The following SPNS2 variants were observed in gnomAD, a reference collection of about 807,000 sequenced individuals.
SPNS2 encodes the protein SPNS lysolipid transporter 2, sphingosine-1-phosphate.
In SPNS2, 37 loss-of-function variants were observed where a neutral mutation model predicts 57.6. The observed-to-expected ratio is 0.64, with a 90% CI of 0.49 to 0.85. SPNS2 has a LOEUF of 0.85. SPNS2 is among the 40% of genes least tolerant of loss of function. The pLI is 0.00. For missense variants in SPNS2, 831 were observed against 779.1 expected (o/e 1.07, Z -0.79); for synonymous variants, 440 against 346.9 (o/e 1.27, Z -2.98).
At chr17:4,520,381 G>GTGC (rs1905108651) in intron 2 of SPNS2, among the ~76,000 whole-genome samples, 1 of 152,188 alleles carries the variant, frequency 6.6e-6, no homozygotes, top group Non-Finnish European at 1.5e-5. Context: ...CAAGAGGAGA[G>GTGC]AATGGAGCAT....
intron 2 of SPNS2, among the ~76,000 whole-genome samples, chr17:4,520,224 G>A (rs1427823253): frequency 6.6e-6 from 1 of 152,200 alleles, no homozygotes; most frequent in African/African-American, 2.4e-5. Flanking sequence ...ATCAGGCTGG[G>A]GCCGGTGGGT....
intron 1 of SPNS2, among the ~76,000 whole-genome samples, chr17:4,505,687 C>T (rs1187302275): frequency 2.6e-5 from 4 of 152,196 alleles, no homozygotes; most frequent in African/African-American, 4.8e-5. Flanking sequence ...GCCTGGTCCT[C>T]GCCTGGTGGC....
chr17:4,515,108 G>A (rs569382202), intron 2 of SPNS2, among the ~76,000 whole-genome samples: 18 of 152,250 alleles, frequency 1.2e-4, no homozygotes, highest in South Asian at 4.1e-4. Context: ...TTGGGGGCTC[G>A]GCTCAAGGCA....
chr17:4,502,666 G>A (rs1051832478), intron 1 of SPNS2, among the ~76,000 whole-genome samples: 4 of 152,150 alleles, frequency 2.6e-5, no homozygotes, highest in Non-Finnish European at 5.9e-5. Context: ...CCCGGGTTGC[G>A]TGGGATAAAT....
At chr17:4,500,973 G>A (rs914503080) in intron 1 of SPNS2, among the ~76,000 whole-genome samples, 3 of 152,180 alleles carry the variant, frequency 2.0e-5, no homozygotes, top group Non-Finnish European at 4.4e-5. Flanking sequence ...CCGCTGTCAC[G>A]CATGCACCAT....
intron 2 of SPNS2, 138 bp from the exon 3 acceptor site, chr17:4,524,919 C>T (rs1270695869): frequency 1.2e-5 from 15 of 1,246,342 alleles, no homozygotes; most frequent in South Asian, 4.6e-5. Context: ...GGGTGCAGGT[C>T]GGGCCGAGGT....
At chr17:4,520,403 T>TC (rs1847058815) in intron 2 of SPNS2, among the ~76,000 whole-genome samples, 1 of 152,010 alleles carries the variant, frequency 6.6e-6, no homozygotes, top group Non-Finnish European at 1.5e-5. Context: ...ATGGCCGGGG[T>TC]CTGGCGAAGG....
Position 4,512,675 on chromosome 17 carries a change from C to CGG in SPNS2, c.371-571_371-570insGG, listed in dbSNP as rs1411073469. 7.3e-3 allele frequency among the ~76,000 whole-genome samples: 1,102 copies of CGG among 151,222 alleles called. 19 individuals carry two copies. Among genetic ancestry groups the CGG allele is most frequent in the African/African-American group, 0.025 (1,048 of 41,138 alleles). ...GCGCGCACGGGTATGTGTGTGCGCG[C>CGG]GTGGGTGTGTATGCATGTGTGCAGG... On this transcript the variant is annotated intron_variant, in intron 1 of 12. Coordinates refer to ENST00000329078, the MANE Select transcript of SPNS2 (RefSeq NM_001124758.3). This position sits in a 1 kb window ranked among gnomAD's most constrained non-coding sequence, Gnocchi z 5.2.
At chr17:4,534,190 C>T (rs1905647760) in intron 9 of SPNS2, among the ~76,000 whole-genome samples, 1 of 152,192 alleles carries the variant, frequency 6.6e-6, no homozygotes, top group African/African-American at 2.4e-5. Flanking sequence ...TGGGTCTGAG[C>T]ATCCATAGGC....
Position 4,533,361 on chromosome 17 carries a change from G to A in SPNS2, c.1207G>A (p.Gly403Ser). 1 of 1,611,646 alleles carries A rather than the reference G, an allele frequency of 6.2e-7. No homozygotes were observed. The highest frequency in any genetic ancestry group is 8.5e-7 in the Non-Finnish European group (1 of 1,179,536). The change falls in exon 8 of 13, where the codon GGC (glycine) becomes AGC (serine). Residue 403 changes from glycine (G) to serine (S), a missense_variant. Transcript: ENST00000329078. ...GGCCGACCCACTGGTGTGTGCCGTG[G>A]GCATGCTGGGCTCTGCCATCTTCAT... ...QRADPLVCAV[G>S]MLGSAIFICL... is the part of the protein sequence containing the mutation.
intron 2 of SPNS2, among the ~76,000 whole-genome samples, chr17:4,518,448 A>G (rs908992330): frequency 6.6e-6 from 1 of 152,238 alleles, no homozygotes; most frequent in African/African-American, 2.4e-5. Context: ...GCATGAACCC[A>G]GGAGGCGGAG....
chr17:4,522,699 A>T (rs1265029563), intron 2 of SPNS2, among the ~76,000 whole-genome samples: 1 of 151,676 alleles, frequency 6.6e-6, no homozygotes, highest in Admixed American at 6.6e-5. Flanking sequence ...CATGTCTGTC[A>T]CTCCCAGCCT....
chr17:4,514,046 T>C (rs1416099191), intron 2 of SPNS2, among the ~76,000 whole-genome samples: 1 of 152,230 alleles, frequency 6.6e-6, no homozygotes, highest in Non-Finnish European at 1.5e-5. Context: ...GCCTTCCCCA[T>C]GACATGGCCC....
At position 4,536,099 on chromosome 17, in the gene SPNS2, C is replaced by G. The variant is rs147487048; in HGVS notation, c.1368C>G (p.Arg456=). The stretch of plus-strand genomic sequence containing the variant: ...AGTACGTGGTCATCCCCACGCGGCG[C>G]GCCACTGCCGTGGCCTTGCAGAGCT... ...ILMYVVIPTR[R]ATAVALQSFT... Residue 456 remains arginine (R), a synonymous_variant, in exon 10 of 13, where the codon CGC becomes CGG. Transcript: ENST00000329078. 1.1e-5 allele frequency: 18 copies of G among 1,612,130 alleles called. No individual in the cohort carries two copies. The highest frequency in any genetic ancestry group is 1.5e-5 in the Non-Finnish European group (18 of 1,179,750).
rs913617332 is a variant in SPNS2, at chr17:4,538,602, G to A, written c.*1154G>A. 6 of 440,550 alleles carry A rather than the reference G, an allele frequency of 1.4e-5. No individual in the cohort carries two copies. The highest frequency in any genetic ancestry group is 7.1e-5 in the South Asian group (3 of 42,272). 27.3% of individuals were successfully genotyped at this position (440,550 alleles called of 1,614,324 possible). ...TGCGTCACCCACTCCCTGCACTTCT[G>A]CTGCAATCAAGGTGGTTCTGGTGCG... On this transcript the variant is annotated 3_prime_UTR_variant, in exon 13 of 13. Transcript: ENST00000329078.
rs1904374193 is a variant in SPNS2 at position 4,499,179 on chromosome 17, C to G, written c.132C>G (p.Gly44=). The G allele has an allele frequency of 8.0e-7, 1 of 1,242,390 alleles. No homozygotes were observed. Among genetic ancestry groups the G allele is most frequent in the East Asian group, 3.3e-5 (1 of 30,430 alleles). 77.0% of individuals were successfully genotyped at this position (1,242,390 alleles called of 1,614,324 possible). A position where few individuals can be genotyped will look rare whatever the true frequency, so the allele number is the denominator to read the frequency against. Residue 44 remains glycine (G), a synonymous_variant, in exon 1 of 13, where the codon GGC becomes GGG. Transcript: ENST00000329078. The surrounding 1 kb of genome is among the most constrained non-coding windows in gnomAD (Gnocchi z 5.2). ...AGGSGCCGAR[G]AGGAGVSAAG... ...GTAGCGGTTGCTGCGGGGCGCGGGG[C>G]GCGGGCGGCGCTGGAGTCTCGGCCG...
chr17:4,536,822 G>A (rs766204844), intron 11 of SPNS2, 78 bp from the exon 12 acceptor site: 74 of 1,250,754 alleles, frequency 5.9e-5, no homozygotes, highest in African/African-American at 3.4e-4. Flanking sequence ...TGGCCCCCAC[G>A]ACACGATGTG....
intron 5 of SPNS2, among the ~76,000 whole-genome samples, chr17:4,532,140 ATCCATCTG>A (rs1905507508): frequency 6.9e-6 from 1 of 145,538 alleles, no homozygotes; most frequent in South Asian, 2.3e-4. Flanking sequence ...CTATCCGTTC[ATCCATCTG>A]TCCATCCGTC....
chr17:4,537,140 G>C (rs1319274886), intron 12 of SPNS2, among the ~76,000 whole-genome samples, 194 bp downstream of exon 12: 1 of 152,260 alleles, frequency 6.6e-6, no homozygotes, highest in African/African-American at 2.4e-5. Flanking sequence ...GCTCCTTCCA[G>C]TAAATTAGCT....
Sources: allele counts gnomAD v4.1 joint callset (sites outside exome capture counted in the v4.1 genomes callset), GRCh38; gene constraint gnomAD v4.1.1; non-coding constraint Gnocchi (gnomAD v3.1); transcripts MANE v1.5; gene names NCBI Gene and HGNC (gene_info 2026-07-23, HGNC 2026-07-21).